Variants in TMTC2 observed in about 807,000 individuals in gnomAD.
TMTC2 encodes protein O-mannosyl-transferase TMTC2.
A neutral mutation model predicts 82.4 loss-of-function variants in TMTC2; 43 were observed. The ratio of observed to expected loss-of-function variants is 0.52; its 90% CI spans 0.41 to 0.67. The LOEUF (loss-of-function observed/expected upper bound fraction) is 0.67, where lower values mean the gene tolerates loss of function less well. Ranked by LOEUF, TMTC2 falls within the 30% of genes least tolerant of loss-of-function variation. TMTC2 has a pLI of 0.00. For missense variants in TMTC2, 919 were observed against 1,012.4 expected, an observed-to-expected ratio of 0.91 and a Z score of 1.25; for synonymous variants, 408 against 381.9, an observed-to-expected ratio of 1.07 and a Z score of -0.80.
At chr12:82,899,636 AATAT>A (rs531889616) in intron 3 of TMTC2, among the ~76,000 whole-genome samples, 1 of 131,354 alleles carries the variant, frequency 7.6e-6, no homozygotes, top group Non-Finnish European at 1.5e-5. Context: ...ATATATGTGG[AATAT>A]ATATATATAA....
intron 8 of TMTC2, among the ~76,000 whole-genome samples, chr12:83,002,428 T>C (rs984337956): frequency 3.3e-5 from 5 of 152,210 alleles, no homozygotes; most frequent in Admixed American, 3.3e-4. Context: ...ATAATTTGTA[T>C]GGATTTTTGT....
chr12:82,930,633 A>G, intron 4 of TMTC2, 88 bp downstream of exon 4: 1 of 735,948 alleles, frequency 1.4e-6, no homozygotes, highest in East Asian at 2.7e-5. Context: ...AATGGAGATG[A>G]TGATAGCTAT....
intron 1 of TMTC2, among the ~76,000 whole-genome samples, chr12:82,799,707 C>G (rs944374115): frequency 6.6e-6 from 1 of 152,148 alleles, no homozygotes; most frequent in Non-Finnish European, 1.5e-5. Context: ...ATAGTATTCT[C>G]TCTGCATGTG....
chr12:82,768,663 C>A (rs1297659552), intron 1 of TMTC2, among the ~76,000 whole-genome samples: 2 of 152,012 alleles, frequency 1.3e-5, no homozygotes, highest in East Asian at 3.9e-4. Flanking sequence ...AGGAGAAATT[C>A]CTCAAGGTTT....
At chr12:82,912,305 T>A (rs1874719173) in intron 3 of TMTC2, among the ~76,000 whole-genome samples, 1 of 152,164 alleles carries the variant, frequency 6.6e-6, no homozygotes, top group Non-Finnish European at 1.5e-5. Context: ...CTTCTTAAGA[T>A]GCCTGGAATA....
At chr12:82,908,742 A>G (rs1011622373) in intron 3 of TMTC2, among the ~76,000 whole-genome samples, 5 of 151,940 alleles carry the variant, frequency 3.3e-5, no homozygotes, top group Non-Finnish European at 5.9e-5. Flanking sequence ...TTTTTCTTCT[A>G]TATTAGGTAG....
intron 11 of TMTC2, among the ~76,000 whole-genome samples, chr12:83,076,517 T>C (rs1261213578): frequency 6.6e-6 from 1 of 152,218 alleles, no homozygotes; most frequent in African/African-American, 2.4e-5. Context: ...TCCTGACTTC[T>C]TTGAAATTAC....
chr12:83,126,585 A>G (rs1177502145), intron 11 of TMTC2, among the ~76,000 whole-genome samples: 1 of 152,100 alleles, frequency 6.6e-6, no homozygotes. Flanking sequence ...AGTTGGACAA[A>G]AGGGGTAGGA....
chr12:82,949,109 C>G (rs2137276210), intron 4 of TMTC2, among the ~76,000 whole-genome samples: 1 of 152,280 alleles, frequency 6.6e-6, no homozygotes, highest in South Asian at 2.1e-4. Flanking sequence ...AAGGTTTTGG[C>G]CTATGCTTGT....
intron 7 of TMTC2, among the ~76,000 whole-genome samples, chr12:82,975,239 T>C (rs981616879): frequency 6.6e-6 from 1 of 152,186 alleles, no homozygotes; most frequent in Non-Finnish European, 1.5e-5. Flanking sequence ...AGTGCATTAC[T>C]AATTGTATGT....
At chr12:83,030,917 T>C in intron 9 of TMTC2, 38 bp downstream of exon 9, 1 of 1,448,612 alleles carries the variant, frequency 6.9e-7, no homozygotes, top group South Asian at 1.1e-5. Context: ...GTCCCCCACA[T>C]TTACTATTAA....
intron 1 of TMTC2, among the ~76,000 whole-genome samples, chr12:82,771,676 A>G (rs2136996106): frequency 6.6e-6 from 1 of 152,364 alleles, no homozygotes; most frequent in African/African-American, 2.4e-5. Context: ...CATCAAAGAT[A>G]AGTAATTCAG....
At chr12:82,943,729 A>G (rs1278902254) in intron 4 of TMTC2, among the ~76,000 whole-genome samples, 1 of 152,232 alleles carries the variant, frequency 6.6e-6, no homozygotes, top group African/African-American at 2.4e-5. Context: ...TTTTGAGTAT[A>G]TTTATAAATA....
At chr12:82,952,026 C>T (rs1445925065) in intron 4 of TMTC2, among the ~76,000 whole-genome samples, 1 of 152,164 alleles carries the variant, frequency 6.6e-6, no homozygotes, top group African/African-American at 2.4e-5. Context: ...CACAGAAGTG[C>T]TTCATGAGAC....
intron 1 of TMTC2, among the ~76,000 whole-genome samples, chr12:82,834,928 AGTGCGGTG>A (rs1869949716): frequency 6.6e-6 from 1 of 151,226 alleles, no homozygotes. Context: ...CCCAGGCTGG[AGTGCGGTG>A]GTGCTATCTC....
chr12:82,899,576 TATATATATATAAGAATATATATATGTGGA>T (rs1312654329), intron 3 of TMTC2, among the ~76,000 whole-genome samples: 2,642 of 129,552 alleles, frequency 0.02, 64 homozygotes, highest in Non-Finnish European at 0.03. Context: ...ATATGTGGAA[TATATATATATAAGAATATATATATGTGGA>T]ATATATATAT....
chr12:82,761,664 AC>A (rs1227676637), intron 1 of TMTC2, among the ~76,000 whole-genome samples: 1 of 152,034 alleles, frequency 6.6e-6, no homozygotes, highest in Non-Finnish European at 1.5e-5. Flanking sequence ...CCACCCCGGA[AC>A]CCTGCTTGGC....
At position 82,895,896 on chromosome 12, in the gene TMTC2, T is replaced by G; in HGVS notation, c.733T>G (p.Trp245Gly). The G allele has an allele frequency of 6.2e-7, 1 of 1,614,060 alleles. No homozygotes were observed. Among genetic ancestry groups the G allele is most frequent in the Admixed American group, 1.7e-5 (1 of 59,996 alleles). ...GSSLLGARLYWMGNKPPSFSN... is the reference protein window; with the variant it reads ...GSSLLGARLYGMGNKPPSFSN... ...CTCCCTTTTGGGTGCCCGGTTATAC[T>G]GGATGGGAAACAAACCACCAAGCTT... Residue 245 changes from tryptophan (W) to glycine (G), a missense_variant, in exon 3 of 12, where the codon TGG becomes GGG. Physicochemically the swap from Trp to Gly is radical, Grantham distance 184. Transcript: ENST00000321196.
Position 82,771,539 on chromosome 12 carries a change from C to G in TMTC2, c.83+83870C>G, listed in dbSNP as rs144420351. On this transcript the variant is annotated intron_variant, in intron 1 of 11. Transcript: ENST00000321196. ...TTTTTAACTGCTTAGTCACTGAAAG[C>G]TTTTGATTTGGTACCCTTGCTTTCA... is the stretch of plus-strand genomic sequence containing the variant. Among the ~76,000 whole-genome samples, 428 of 152,104 alleles carry G rather than the reference C, an allele frequency of 2.8e-3. 2 individuals carry two copies. Among genetic ancestry groups the G allele is most frequent in the African/African-American group, 9.8e-3 (408 of 41,490 alleles).
Sources: gnomAD v4.1 joint callset for allele counts (sites outside exome capture counted in the v4.1 genomes callset) on GRCh38, gnomAD v4.1.1 for gene constraint, MANE v1.5 for transcripts, NCBI Gene and HGNC (gene_info 2026-07-23, HGNC 2026-07-21) for gene names.